TENM3: variants seen among roughly 807,000 people sequenced by gnomAD.
TENM3 encodes the protein teneurin transmembrane protein 3, also known as teneurin-3.
TENM3 carries 63 observed loss-of-function variants against 255.1 expected under a neutral mutation model. The observed-to-expected ratio is 0.25, with a 90% CI of 0.20 to 0.30. TENM3 has a LOEUF of 0.30. TENM3 is among the 10% of genes least tolerant of loss of function. The probability of loss-of-function intolerance (pLI) is 1.00; values close to 1 mark genes in which losing one functional copy is unlikely to be tolerated. For synonymous variants in TENM3, 1,306 were observed against 1,322.3 expected, an observed-to-expected ratio of 0.99 and a Z score of 0.27; for missense variants, 2,929 against 3,461.1, an observed-to-expected ratio of 0.85 and a Z score of 3.86.
the TENM3 span, among the ~76,000 whole-genome samples, chr4:181,571,565 T>C: frequency 1.3e-5 from 2 of 152,200 alleles, no homozygotes; most frequent in East Asian, 3.9e-4. Flanking sequence ...CTTGAATTCC[T>C]GGGCTGAAGA....
the TENM3 span, among the ~76,000 whole-genome samples, chr4:181,909,325 G>T: frequency 6.6e-6 from 1 of 152,164 alleles, no homozygotes; most frequent in African/African-American, 2.4e-5. Context: ...AACACCTTCT[G>T]TGGTATTGTG....
the TENM3 span, among the ~76,000 whole-genome samples, chr4:181,618,168 AG>A: frequency 5.7e-4 from 87 of 152,330 alleles, no homozygotes; most frequent in African/African-American, 2.0e-3. Flanking sequence ...CATTTGTGAC[AG>A]ACCATGGCCC....
chr4:182,632,457 CT>C (rs1337839519), intron 5 of TENM3, among the ~76,000 whole-genome samples: 3 of 152,124 alleles, frequency 2.0e-5, no homozygotes, highest in African/African-American at 7.2e-5. Context: ...ATATTTTTAA[CT>C]TTTGCCAATC....
chr4:181,912,457 C>A, the TENM3 span, among the ~76,000 whole-genome samples: 2 of 152,096 alleles, frequency 1.3e-5, no homozygotes, highest in African/African-American at 4.8e-5. Flanking sequence ...GACTGAAGAA[C>A]CGTTGCTCAG....
At chr4:181,633,876 C>T in the TENM3 span, among the ~76,000 whole-genome samples, 44 of 152,216 alleles carry the variant, frequency 2.9e-4, no homozygotes, top group African/African-American at 9.6e-4. Flanking sequence ...AGGCAACAAA[C>T]TAATGTTCTT....
the TENM3 span, among the ~76,000 whole-genome samples, chr4:181,805,581 C>A: frequency 7.9e-5 from 11 of 138,990 alleles, no homozygotes; most frequent in African/African-American, 2.9e-4. Context: ...TAAAAACAAA[C>A]GCCGTGTGTG....
chr4:182,731,697 GTGTGTGTGTGTGTGTGT>G (rs1760736817), intron 16 of TENM3, among the ~76,000 whole-genome samples: 1 of 76,510 alleles, frequency 1.3e-5, no homozygotes, highest in South Asian at 4.6e-4. Context: ...GTGTTGGGGT[GTGTGTGTGTGTGTGTGT>G]GTGTGTGTGT....
intron 1 of TENM3, among the ~76,000 whole-genome samples, chr4:182,306,692 T>C (rs185432671): frequency 7.7e-4 from 118 of 152,312 alleles, no homozygotes; most frequent in Non-Finnish European, 1.3e-3. Context: ...AATGGTAGAT[T>C]GTGTCAAGAA....
the TENM3 span, among the ~76,000 whole-genome samples, chr4:182,095,750 A>C: frequency 6.6e-6 from 1 of 152,256 alleles, no homozygotes; most frequent in African/African-American, 2.4e-5. Flanking sequence ...AAAAAATATA[A>C]ATTCTTGAGG....
intron 3 of TENM3, among the ~76,000 whole-genome samples, chr4:182,430,691 A>G (rs1006084929): frequency 6.6e-6 from 1 of 152,102 alleles, no homozygotes; most frequent in African/African-American, 2.4e-5. Context: ...ATCACAAAGC[A>G]GAGATCTGAG....
the TENM3 span, among the ~76,000 whole-genome samples, chr4:181,658,630 T>C: frequency 6.6e-6 from 1 of 152,200 alleles, no homozygotes; most frequent in African/African-American, 2.4e-5. Context: ...ATTGATTCTC[T>C]AGCTTCCGTA....
At chr4:182,313,100 C>CT (rs1762548312) in intron 1 of TENM3, among the ~76,000 whole-genome samples, 1 of 151,874 alleles carries the variant, frequency 6.6e-6, no homozygotes, top group Admixed American at 6.6e-5. Flanking sequence ...ACCTTATTAT[C>CT]TTTATTTTTT....
the TENM3 span, among the ~76,000 whole-genome samples, chr4:181,955,698 G>T: frequency 6.6e-6 from 1 of 152,138 alleles, no homozygotes; most frequent in South Asian, 2.1e-4. Context: ...GCATGAATTG[G>T]TTGACGATAG....
At chr4:181,939,834 T>G in the TENM3 span, among the ~76,000 whole-genome samples, 1 of 152,232 alleles carries the variant, frequency 6.6e-6, no homozygotes, top group Admixed American at 6.5e-5. Context: ...GGTTTTATTT[T>G]AGTCCTTTTA....
chr4:181,480,442 C>A, the TENM3 span, among the ~76,000 whole-genome samples: 1 of 152,030 alleles, frequency 6.6e-6, no homozygotes, highest in Non-Finnish European at 1.5e-5. Context: ...TTGTTATCAA[C>A]GTTTGATGTT....
chr4:182,686,011 A>T (rs905951192), intron 11 of TENM3, among the ~76,000 whole-genome samples: 4 of 151,924 alleles, frequency 2.6e-5, no homozygotes, highest in Non-Finnish European at 2.9e-5. Flanking sequence ...TTTAGACGGA[A>T]TTTTTTTCAT....
the TENM3 span, among the ~76,000 whole-genome samples, chr4:181,815,007 T>C: frequency 1.3e-5 from 2 of 152,018 alleles, no homozygotes; most frequent in Admixed American, 6.6e-5. Flanking sequence ...ATAAAATAGA[T>C]AAACCCCTCA....
chr4:181,753,530 GA>G, the TENM3 span, among the ~76,000 whole-genome samples: 20,059 of 145,268 alleles, frequency 0.14, 1,384 homozygotes, highest in Middle Eastern at 0.2. Flanking sequence ...TTGCAAAAAT[GA>G]AAAAAAAAAA....
At chr4:182,036,865 T>C in the TENM3 span, among the ~76,000 whole-genome samples, 1,010 of 152,246 alleles carry the variant, frequency 6.6e-3, 6 homozygotes, top group Middle Eastern at 0.01. Context: ...TGATTTTTTT[T>C]ATAACAAACT....
Sources: gnomAD v4.1 joint callset for allele counts (sites outside exome capture counted in the v4.1 genomes callset) on GRCh38, gnomAD v4.1.1 for gene constraint, MANE v1.5 for transcripts, NCBI Gene and HGNC (gene_info 2026-07-23, HGNC 2026-07-21) for gene names.